The following SEMA3C variants were observed in gnomAD, a reference collection of about 807,000 sequenced individuals.
SEMA3C encodes the protein semaphorin 3C, also known as semaphorin-3C.
In SEMA3C, 47 loss-of-function variants were observed where a neutral mutation model predicts 89.4. The observed-to-expected ratio is 0.53, with a 90% CI of 0.42 to 0.67. The LOEUF (loss-of-function observed/expected upper bound fraction) is 0.67, where lower values mean the gene tolerates loss of function less well. SEMA3C is among the 30% of genes least tolerant of loss of function. The pLI is 0.00. For synonymous variants in SEMA3C, 310 were observed against 320.2 expected, an observed-to-expected ratio of 0.97 and a Z score of 0.34; for missense variants, 839 against 929.1, an observed-to-expected ratio of 0.90 and a Z score of 1.26.
intron 2 of SEMA3C, among the ~76,000 whole-genome samples, chr7:80,860,683 G>A (rs1241544140): frequency 6.6e-6 from 1 of 152,154 alleles, no homozygotes; most frequent in Non-Finnish European, 1.5e-5. Flanking sequence ...AGGGCCCATG[G>A]TCATTACTCT....
intron 12 of SEMA3C, among the ~76,000 whole-genome samples, chr7:80,768,492 C>T (rs148867632): frequency 0.1 from 14,761 of 148,076 alleles, 789 homozygotes; most frequent in Non-Finnish European, 0.12. Context: ...CCAGCCTGGG[C>T]GACAGAGCGA....
rs1787763712 is a variant in SEMA3C, at chr7:80,744,898, G to A, written c.2252C>T (p.Ser751Leu). The change falls in exon 18 of 18, where the codon TCA becomes TTA. Residue 751 changes from serine (S) to leucine (L), a missense_variant. Transcript: ENST00000265361. ...TAAGACCCACATAAGAAAATATTATGACTCTGGCAACTGATTCCTCCTGTT... is the reference window on the plus strand; with the variant it reads ...TAAGACCCACATAAGAAAATATTATAACTCTGGCAACTGATTCCTCCTGTT... ...SRNRRNQLPE[S>L] 6 of 1,613,930 alleles carry A rather than the reference G, an allele frequency of 3.7e-6. No individual in the cohort carries two copies. The highest frequency in any genetic ancestry group is 5.1e-6 in the Non-Finnish European group (6 of 1,179,882).
At chr7:80,907,328 C>T (rs1437776914) in intron 2 of SEMA3C, among the ~76,000 whole-genome samples, 3 of 151,922 alleles carry the variant, frequency 2.0e-5, no homozygotes, top group Admixed American at 1.3e-4. Flanking sequence ...TGAAGCCATG[C>T]CAAGCCCTCT....
chr7:80,863,777 T>G (rs549753553), intron 2 of SEMA3C, among the ~76,000 whole-genome samples: 59 of 127,682 alleles, frequency 4.6e-4, no homozygotes, highest in African/African-American at 1.6e-3. Flanking sequence ...TATTCCATCA[T>G]ATATATAGTA....
chr7:80,871,495 G>A (rs1194639054), intron 2 of SEMA3C, among the ~76,000 whole-genome samples: 1 of 152,114 alleles, frequency 6.6e-6, no homozygotes, highest in Non-Finnish European at 1.5e-5. Context: ...TGTATACTGA[G>A]TACCTACTGT....
At chr7:80,829,678 C>T (rs1789965398) in intron 2 of SEMA3C, among the ~76,000 whole-genome samples, 1 of 152,082 alleles carries the variant, frequency 6.6e-6, no homozygotes, top group East Asian at 1.9e-4. Flanking sequence ...AGGTTAGTGA[C>T]TCACACTCAT....
intron 15 of SEMA3C, 42 bp downstream of exon 15, chr7:80,758,289 G>T (rs574696318): frequency 1.3e-6 from 2 of 1,585,752 alleles, no homozygotes; most frequent in South Asian, 1.1e-5. Context: ...GTATTGTCTG[G>T]TGTCCTACAT....
chr7:80,919,013 G>A lies in SEMA3C; in HGVS notation c.-224C>T, dbSNP rs968776082. The stretch of plus-strand genomic sequence containing the variant: ...CAGCGCTGCAGTGCCGCGGCACCCG[G>A]AGCTCTTCTCCGCGTCGCTCAATCA... On this transcript the variant is annotated 5_prime_UTR_variant, in exon 1 of 18. Transcript: ENST00000265361. 92 of 985,236 alleles carry A rather than the reference G, an allele frequency of 9.3e-5. No individual in the cohort carries two copies. Among genetic ancestry groups the A allele is most frequent in the Non-Finnish European group, 1.1e-4 (89 of 829,922 alleles). 61.0% of individuals were successfully genotyped at this position (985,236 alleles called of 1,614,324 possible). A position where few individuals can be genotyped will look rare whatever the true frequency, so the allele number is the denominator to read the frequency against.
chr7:80,815,854 G>C (rs1311282352), intron 5 of SEMA3C: 4 of 152,048 alleles, frequency 2.6e-5, no homozygotes, highest in Non-Finnish European at 5.9e-5. Flanking sequence ...ATTGGTATCT[G>C]GGTGTTGAAA....
intron 16 of SEMA3C, among the ~76,000 whole-genome samples, chr7:80,750,160 A>G (rs1787891335): frequency 6.6e-6 from 1 of 151,996 alleles, no homozygotes. Context: ...GCACACCTGT[A>G]GCACCTTGAC....
chr7:80,895,921 T>TTTA (rs1791723208), intron 2 of SEMA3C, among the ~76,000 whole-genome samples: 1 of 152,108 alleles, frequency 6.6e-6, no homozygotes, highest in Admixed American at 6.5e-5. Flanking sequence ...CTGACAGATA[T>TTTA]TTAGGCCTGT....
At chr7:80,756,776 A>C (rs182462753) in intron 15 of SEMA3C, among the ~76,000 whole-genome samples, 182 of 151,738 alleles carry the variant, frequency 1.2e-3, no homozygotes, top group African/African-American at 4.2e-3. Context: ...TTCCACATGA[A>C]GTCCTTGCTC....
intron 2 of SEMA3C, among the ~76,000 whole-genome samples, chr7:80,830,283 G>T (rs1789979627): frequency 6.6e-6 from 1 of 152,118 alleles, no homozygotes; most frequent in Admixed American, 6.6e-5. Flanking sequence ...TTTGTAAAAT[G>T]CAACAATAAT....
At chr7:80,920,489 G>A (rs564585470), upstream of SEMA3C, among the ~76,000 whole-genome samples, 1 of 152,312 alleles carries the variant, frequency 6.6e-6, no homozygotes, top group African/African-American at 2.4e-5. Flanking sequence ...TCAGGTAGGA[G>A]GAAGAGGTGA....
intron 13 of SEMA3C, 111 bp from the exon 14 acceptor site, chr7:80,761,768 T>G: frequency 1.7e-6 from 1 of 584,376 alleles, no homozygotes; most frequent in Non-Finnish European, 3.0e-6. Context: ...TCTTTATATA[T>G]ACATCTACTT....
intron 2 of SEMA3C, among the ~76,000 whole-genome samples, chr7:80,879,135 G>A (rs1442656811): frequency 1.3e-5 from 2 of 152,034 alleles, no homozygotes; most frequent in Non-Finnish European, 2.9e-5. Context: ...ATACAGAAAT[G>A]CAGCCAAAGT....
chr7:80,859,837 C>T (rs1790728914), intron 2 of SEMA3C, among the ~76,000 whole-genome samples: 1 of 152,060 alleles, frequency 6.6e-6, no homozygotes, highest in Non-Finnish European at 1.5e-5. Context: ...TGTTTCTGAA[C>T]TGAACTGAAA....
chr7:80,750,461 T>C lies in SEMA3C; in HGVS notation c.1711+808A>G, dbSNP rs1461214964. On this transcript the variant is annotated intron_variant, in intron 16 of 17. Transcript: ENST00000265361. Reference sequence around the variant, plus strand: ...ATATATATATATATATATATATATATATATATATATATACACACACACACA... The same window carrying C: ...ATATATATATATATATATATATATACATATATATATATACACACACACACA... 7.6e-4 allele frequency among the ~76,000 whole-genome samples: 51 copies of C among 67,400 alleles called. 1 individual carries two copies. Among genetic ancestry groups the C allele is most frequent in the African/African-American group, 2.3e-3 (41 of 17,720 alleles). The allele number at this position is 67,400 out of a possible 152,430, so 44.2% of individuals were successfully genotyped here. A position where few individuals can be genotyped will look rare whatever the true frequency, so the allele number is the denominator to read the frequency against.
At chr7:80,753,924 T>TTTTGTTTG (rs150994998) in intron 15 of SEMA3C, among the ~76,000 whole-genome samples, 66 of 151,104 alleles carry the variant, frequency 4.4e-4, no homozygotes, top group South Asian at 1.5e-3. Context: ...TTTACTAGAG[T>TTTTGTTTG]TTTGTTTGTT....
Sources: allele counts gnomAD v4.1 joint callset (sites outside exome capture counted in the v4.1 genomes callset), GRCh38; gene constraint gnomAD v4.1.1; transcripts MANE v1.5; gene names NCBI Gene and HGNC (gene_info 2026-07-23, HGNC 2026-07-21).